MTM1: variants seen among roughly 807,000 people sequenced by gnomAD.
MTM1 encodes the protein myotubularin.
Under a neutral mutation model 52.1 loss-of-function variants are expected in MTM1, and 9 were observed. The ratio of observed to expected loss-of-function variants is 0.17; its 90% CI spans 0.10 to 0.30. The LOEUF (loss-of-function observed/expected upper bound fraction) is 0.30. MTM1 is among the 10% of genes least tolerant of loss of function. MTM1 has a pLI of 1.00. For synonymous variants in MTM1, 136 were observed against 163.8 expected (o/e 0.83, Z 1.29); for missense variants, 277 against 470.7 (o/e 0.59, Z 3.81).
chrX:150,636,436 G>A (rs2039755274), intron 6 of MTM1, among the ~76,000 whole-genome samples: 1 of 111,874 alleles, frequency 8.9e-6, no homozygotes, highest in African/African-American at 3.2e-5. Flanking sequence ...CTTAGGGATT[G>A]AAAAAATAGT....
intron 1 of MTM1, among the ~76,000 whole-genome samples, chrX:150,586,542 G>A (rs2038788900): frequency 9.0e-6 from 1 of 110,958 alleles, no homozygotes; most frequent in Non-Finnish European, 1.9e-5. Context: ...GTGCAGAATG[G>A]TTAGGCAATC....
At position 150,657,778 on chromosome X, in the gene MTM1, T is replaced by C. The variant is rs782724238; in HGVS notation, c.1054-43T>C. 4.5e-6 allele frequency: 5 copies of C among 1,115,681 alleles called. No individual in the cohort carries two copies. The South Asian group carries it at 7.3e-5, about 16-fold the overall frequency. The allele number at this position is 1,115,681 out of a possible 1,213,427, so 91.9% of individuals were successfully genotyped here. A position where few individuals can be genotyped will look rare whatever the true frequency, so the allele number is the denominator to read the frequency against. ...TTTAAAAACTATCAAATGTAAGCAG[T>C]ATCTTATAACTCCCTACTGACTCAC... On this transcript the variant is annotated intron_variant, in intron 10 of 14. Transcript: ENST00000370396.
intron 4 of MTM1, among the ~76,000 whole-genome samples, chrX:150,605,556 G>C (rs782111435): frequency 2.7e-5 from 3 of 112,593 alleles, no homozygotes; most frequent in Non-Finnish European, 5.6e-5. Flanking sequence ...TGGCTCTTTT[G>C]TTGATTCTCT....
chrX:150,616,914 C>T (rs1236256234), intron 5 of MTM1, among the ~76,000 whole-genome samples: 2 of 111,369 alleles, frequency 1.8e-5, no homozygotes, highest in Non-Finnish European at 3.8e-5. Flanking sequence ...CCATATGACC[C>T]GGCTGTTAAA....
At chrX:150,585,930 A>G (rs1557412234) in intron 1 of MTM1, among the ~76,000 whole-genome samples, 2 of 111,737 alleles carry the variant, frequency 1.8e-5, no homozygotes, top group Non-Finnish European at 3.8e-5. Context: ...AAGATGTGCC[A>G]TTTGTCGTGA....
At chrX:150,628,868 A>G (rs1156400307) in intron 6 of MTM1, among the ~76,000 whole-genome samples, 5 of 108,895 alleles carry the variant, frequency 4.6e-5, no homozygotes, top group Non-Finnish European at 9.5e-5. Context: ...TTTCTTTTAG[A>G]TGGTGTCTCA....
At position 150,650,664 on chromosome X, in the gene MTM1, G is replaced by C. The variant is rs148816814; in HGVS notation, c.1053+763G>C. Among the ~76,000 whole-genome samples, 376 of 110,713 alleles carry C rather than the reference G, an allele frequency of 3.4e-3. 2 individuals carry two copies. The highest frequency in any genetic ancestry group is 0.011 in the African/African-American group (347 of 30,404). On this transcript the variant is annotated intron_variant, in intron 10 of 14. Coordinates refer to ENST00000370396, the MANE Select transcript of MTM1 (RefSeq NM_000252.3). ...TGGAAACATGTCTGTCACTCTCATA[G>C]TCCCCTCACCCCCACACTGGCAGCA...
At chrX:150,594,797 GTATTTAAAAGGTA>G (rs1323679782) in intron 2 of MTM1, among the ~76,000 whole-genome samples, 5 of 111,648 alleles carry the variant, frequency 4.5e-5, no homozygotes, top group African/African-American at 1.6e-4. Context: ...TAGAACTGTG[GTATTTAAAAGGTA>G]TACTGAGTAT....
At chrX:150,656,394 C>T (rs1016899452) in intron 10 of MTM1, among the ~76,000 whole-genome samples, 49 of 111,510 alleles carry the variant, frequency 4.4e-4, no homozygotes, top group African/African-American at 1.1e-3. Flanking sequence ...AGCCAAGGAA[C>T]GACCAGAGGC....
chrX:150,612,059 ATGGCATG>A (rs1217172516), intron 4 of MTM1, among the ~76,000 whole-genome samples: 1 of 110,011 alleles, frequency 9.1e-6, no homozygotes, highest in Non-Finnish European at 1.9e-5. Context: ...GCCAGGTGCG[ATGGCATG>A]TACCTGTAGT....
At chrX:150,668,623 T>G (rs1178726588) in intron 14 of MTM1, among the ~76,000 whole-genome samples, 1 of 111,163 alleles carries the variant, frequency 9.0e-6, no homozygotes, top group East Asian at 2.8e-4. Context: ...GAGGATCGCC[T>G]GAGCCCAGGA....
chrX:150,656,910 A>G (rs2040125218), intron 10 of MTM1, among the ~76,000 whole-genome samples: 1 of 112,176 alleles, frequency 8.9e-6, no homozygotes, highest in South Asian at 3.7e-4. Flanking sequence ...ATGCAAATCA[A>G]AACCACAATG....
intron 9 of MTM1, among the ~76,000 whole-genome samples, chrX:150,647,323 G>C (rs1418011599): frequency 1.8e-5 from 2 of 108,963 alleles, no homozygotes; most frequent in Non-Finnish European, 3.8e-5. Flanking sequence ...GCATGAAATG[G>C]ATACACTAAT....
intron 1 of MTM1, among the ~76,000 whole-genome samples, chrX:150,588,812 G>A (rs2038834734): frequency 9.0e-6 from 1 of 111,708 alleles, no homozygotes; most frequent in Admixed American, 9.5e-5. Flanking sequence ...TAAATTTGCT[G>A]CCCAGAACCA....
intron 7 of MTM1, among the ~76,000 whole-genome samples, chrX:150,639,435 T>C (rs2039811589): frequency 8.9e-6 from 1 of 112,560 alleles, no homozygotes; most frequent in Non-Finnish European, 1.9e-5. Flanking sequence ...TAAATTATAT[T>C]CATTTCAGTT....
intron 6 of MTM1, among the ~76,000 whole-genome samples, chrX:150,624,350 G>A (rs1444928574): frequency 1.8e-5 from 2 of 111,802 alleles, no homozygotes; most frequent in African/African-American, 6.5e-5. Context: ...CTAGTTCTAG[G>A]TAAATGATAT....
Position 150,633,939 on chromosome X carries a change from G to T in MTM1, c.445-5004G>T, listed in dbSNP as rs976075353. 2.0e-4 allele frequency among the ~76,000 whole-genome samples: 22 copies of T among 112,383 alleles called. No individual in the cohort carries two copies. In the East Asian group the frequency reaches 3.1e-3, roughly 16 times the overall value. ...AGTCCCAGCTACTCTGGAGGCTGAGGCACGAGAATTGCTTGAACCCAGGAG... is the reference window on the plus strand; with the variant it reads ...AGTCCCAGCTACTCTGGAGGCTGAGTCACGAGAATTGCTTGAACCCAGGAG... On this transcript the variant is annotated intron_variant, in intron 6 of 14. Coordinates refer to ENST00000370396, the MANE Select transcript of MTM1 (RefSeq NM_000252.3).
intron 4 of MTM1, among the ~76,000 whole-genome samples, chrX:150,607,814 C>G (rs1322426195): frequency 5.6e-4 from 62 of 111,589 alleles, no homozygotes; most frequent in African/African-American, 1.9e-3. Flanking sequence ...GTGAGCACCG[C>G]AAACAGTTTC....
At chrX:150,598,830 A>G (rs1395949256) in intron 4 of MTM1, 144 bp downstream of exon 4, 2 of 448,047 alleles carry the variant, frequency 4.5e-6, no homozygotes, top group Non-Finnish European at 7.9e-6. Context: ...TTGCTTATGC[A>G]AAACTCATTT....
Sources: gnomAD v4.1 joint callset for allele counts (sites outside exome capture counted in the v4.1 genomes callset) on GRCh38, gnomAD v4.1.1 for gene constraint, MANE v1.5 for transcripts, NCBI Gene and HGNC (gene_info 2026-07-23, HGNC 2026-07-21) for gene names.